The following OCM variants were observed in gnomAD, a reference collection of about 807,000 sequenced individuals.
OCM encodes oncomodulin.
In OCM, 18 loss-of-function variants were observed where a neutral mutation model predicts 14.1. The ratio of observed to expected loss-of-function variants is 1.28; its 90% confidence interval spans 0.88 to 1.89. OCM has a LOEUF of 1.89. OCM is among the 40% of genes most tolerant of loss of function. The pLI, the probability that OCM is intolerant of heterozygous loss-of-function variation, is 0.00. For missense variants in OCM, 140 were observed against 137.6 expected (o/e 1.02, Z -0.09); for synonymous variants, 48 against 51.0 (o/e 0.94, Z 0.25).
At position 5,882,641 on chromosome 7, in the gene OCM, A is replaced by G; in HGVS notation, c.194+16A>G. On this transcript the variant is annotated intron_variant, in intron 2 of 3. Transcript: ENST00000242104. ...AAGAGCTTAAGTAAGCTTTGTCCTGAGTCTGTCTGGTACCCGGCACTGCTG... is the reference window on the plus strand; with the variant it reads ...AAGAGCTTAAGTAAGCTTTGTCCTGGGTCTGTCTGGTACCCGGCACTGCTG... 1 of 1,613,782 alleles carries G rather than the reference A, an allele frequency of 6.2e-7. No individual in the cohort carries two copies. Among genetic ancestry groups the G allele is most frequent in the Non-Finnish European group, 8.5e-7 (1 of 1,179,882 alleles).
upstream of OCM, among the ~76,000 whole-genome samples, chr7:5,877,266 C>T (rs140866803): frequency 5.0e-3 from 765 of 151,830 alleles, 8 homozygotes; most frequent in African/African-American, 0.017. Context: ...GAGTTTGAGA[C>T]CAGCCTGGGC....
chr7:5,860,447 G>C, the OCM span, among the ~76,000 whole-genome samples: 1 of 130,640 alleles, frequency 7.7e-6, no homozygotes, highest in Non-Finnish European at 1.6e-5. Flanking sequence ...GTATATATAC[G>C]TGTATGTATA....
intron 1 of OCM, 140 bp from the exon 2 acceptor site, chr7:5,882,353 A>G: frequency 6.9e-6 from 7 of 1,018,304 alleles, no homozygotes; most frequent in Non-Finnish European, 1.0e-5. Context: ...TGGCTGTCCC[A>G]AAATCTTGGA....
At chr7:5,860,543 G>T in the OCM span, among the ~76,000 whole-genome samples, 9 of 95,998 alleles carry the variant, frequency 9.4e-5, no homozygotes, top group East Asian at 3.4e-3. Context: ...TATATATTAC[G>T]TATATATACG....
chr7:5,883,852 C>A, intron 2 of OCM, 38 bp from the exon 3 acceptor site: 20 of 1,612,178 alleles, frequency 1.2e-5, no homozygotes, highest in Non-Finnish European at 1.7e-5. Flanking sequence ...GATGCATGAT[C>A]TTTTTGAAAA....
the OCM span, among the ~76,000 whole-genome samples, chr7:5,870,876 C>T: frequency 6.7e-6 from 1 of 148,810 alleles, no homozygotes; most frequent in African/African-American, 2.5e-5. Context: ...GTAAATATCA[C>T]GCTAATTGAT....
At chr7:5,874,600 G>T in the OCM span, among the ~76,000 whole-genome samples, 1 of 151,950 alleles carries the variant, frequency 6.6e-6, no homozygotes, top group Non-Finnish European at 1.5e-5. Flanking sequence ...AAACTCCTGG[G>T]CTTAAGTGAT....
intron 1 of OCM, 97 bp from the exon 2 acceptor site, chr7:5,882,396 G>A (rs1781235888): frequency 7.1e-6 from 10 of 1,405,820 alleles, no homozygotes; most frequent in South Asian, 1.3e-5. Flanking sequence ...CAGGGATATT[G>A]TTGAAGTGTT....
At chr7:5,875,708 T>A (rs1038596681), upstream of OCM, among the ~76,000 whole-genome samples, 4 of 152,114 alleles carry the variant, frequency 2.6e-5, no homozygotes, top group Admixed American at 6.6e-5. Context: ...AGCAGATTTT[T>A]AAAAAATGTT....
the OCM span, among the ~76,000 whole-genome samples, chr7:5,868,363 G>C: frequency 6.6e-6 from 1 of 151,508 alleles, no homozygotes; most frequent in South Asian, 2.1e-4. Flanking sequence ...GCTCAGGCTG[G>C]TCTTGAACTC....
chr7:5,873,725 G>A, the OCM span, among the ~76,000 whole-genome samples: 10 of 152,192 alleles, frequency 6.6e-5, no homozygotes, highest in South Asian at 2.1e-3. Flanking sequence ...CACCACAGTT[G>A]TTTCCATTCC....
At chr7:5,860,868 A>T in the OCM span, among the ~76,000 whole-genome samples, 43 of 150,114 alleles carry the variant, frequency 2.9e-4, no homozygotes, top group Admixed American at 1.1e-3. Context: ...ATACATATAT[A>T]TATTTATTTA....
chr7:5,877,909 C>T (rs1781128222), upstream of OCM, among the ~76,000 whole-genome samples: 1 of 150,512 alleles, frequency 6.6e-6, no homozygotes, highest in African/African-American at 2.4e-5. Flanking sequence ...TGAAATAAGC[C>T]AGTCTGAAAA....
the OCM span, among the ~76,000 whole-genome samples, chr7:5,866,263 T>C: frequency 6.7e-6 from 1 of 148,196 alleles, no homozygotes; most frequent in African/African-American, 2.5e-5. Flanking sequence ...GAGTTCAAGG[T>C]GACACTGAGC....
intron 3 of OCM, among the ~76,000 whole-genome samples, chr7:5,885,269 G>A (rs1033252417): frequency 2.0e-5 from 3 of 151,990 alleles, no homozygotes; most frequent in South Asian, 2.1e-4. Context: ...TAACAGAAAC[G>A]TTTGGAGTTT....
At chr7:5,873,557 C>T in the OCM span, among the ~76,000 whole-genome samples, 1 of 151,932 alleles carries the variant, frequency 6.6e-6, no homozygotes, top group Non-Finnish European at 1.5e-5. Flanking sequence ...GTGACCCAGG[C>T]TGGTCTCAAA....
the OCM span, among the ~76,000 whole-genome samples, chr7:5,867,992 C>T: frequency 2.0e-5 from 3 of 152,062 alleles, no homozygotes; most frequent in African/African-American, 4.8e-5. Context: ...CCCACCTCAG[C>T]CTCCCCAAGT....
At chr7:5,869,082 C>CA in the OCM span, among the ~76,000 whole-genome samples, 3 of 151,778 alleles carry the variant, frequency 2.0e-5, no homozygotes, top group Non-Finnish European at 2.9e-5. Flanking sequence ...CAAAACAAAA[C>CA]AAAACAAAAA....
intron 3 of OCM, among the ~76,000 whole-genome samples, chr7:5,885,241 C>T (rs2128607446): frequency 6.6e-6 from 1 of 152,108 alleles, no homozygotes; most frequent in African/African-American, 2.4e-5. Context: ...GTTATTATTA[C>T]TATTATCCTT....
Sources: allele counts gnomAD v4.1 joint callset (sites outside exome capture counted in the v4.1 genomes callset), GRCh38; gene constraint gnomAD v4.1.1; transcripts MANE v1.5; gene names NCBI Gene and HGNC (gene_info 2026-07-23, HGNC 2026-07-21).